The following WDR62 variants were observed in gnomAD, a reference collection of about 807,000 sequenced individuals.
The protein encoded by WDR62 is WD repeat-containing protein 62.
WDR62 carries 112 observed loss-of-function variants against 160.6 expected under a neutral mutation model. The observed-to-expected ratio is 0.70, with a 90% CI of 0.60 to 0.82. The LOEUF is 0.82. WDR62 is among the 40% of genes least tolerant of loss of function. The probability of loss-of-function intolerance (pLI) is 0.00; values close to 1 mark genes in which losing one functional copy is unlikely to be tolerated. For missense variants in WDR62, 1,819 were observed against 1,983.8 expected, an observed-to-expected ratio of 0.92 and a Z score of 1.58; for synonymous variants, 792 against 815.1, an observed-to-expected ratio of 0.97 and a Z score of 0.48.
intron 20 of WDR62, 69 bp from the exon 21 acceptor site, chr19:36,096,958 G>T: frequency 1.4e-6 from 2 of 1,463,970 alleles, no homozygotes; most frequent in Non-Finnish European, 1.9e-6. Flanking sequence ...TTTGGGGACT[G>T]CCCGGTTATG....
intron 7 of WDR62, chr19:36,071,140 G>A (rs1971272479): frequency 4.8e-6 from 1 of 207,374 alleles, no homozygotes; most frequent in South Asian, 7.1e-5. Context: ...GGAGGTGGAA[G>A]TTGCAGTGAG....
chr19:36,069,823 T>C (rs924066558), intron 7 of WDR62, among the ~76,000 whole-genome samples: 1 of 152,186 alleles, frequency 6.6e-6, no homozygotes, highest in Non-Finnish European at 1.5e-5. Context: ...ACCCTGTGTT[T>C]GGTGGAGACC....
intron 4 of WDR62, 93 bp from the exon 5 acceptor site, chr19:36,066,164 C>G: frequency 1.9e-6 from 3 of 1,600,042 alleles, no homozygotes. Context: ...GGCTTTTGGG[C>G]ACATCCTGTG....
intron 1 of WDR62, among the ~76,000 whole-genome samples, chr19:36,056,347 C>A (rs1334147139): frequency 6.6e-6 from 1 of 152,190 alleles, no homozygotes; most frequent in Non-Finnish European, 1.5e-5. Context: ...CTACAGGGCT[C>A]TGGCTGTACC....
At chr19:36,072,502 G>A (rs544297311) in intron 8 of WDR62, among the ~76,000 whole-genome samples, 7 of 152,268 alleles carry the variant, frequency 4.6e-5, no homozygotes, top group Admixed American at 2.0e-4. Flanking sequence ...CTGCTGTGTC[G>A]AGAGTGGATA....
At chr19:36,099,667 C>A (rs774548868) in intron 22 of WDR62, 50 bp downstream of exon 22, 163 of 1,590,784 alleles carry the variant, frequency 1.0e-4, no homozygotes, top group Admixed American at 1.7e-4. Flanking sequence ...CCGTGACGGC[C>A]CCAGGGCCTG....
In WDR62 at chr19:36,099,758, C is replaced by T. The variant is rs1973215595; in HGVS notation, c.2739+141C>T. ...AAGGGCAGGAGGGTGAGCCCCAGGT[C>T]TGTTGCACAGCAAGACTTCCCAAGG... On this transcript the variant is annotated intron_variant, in intron 22 of 31. Coordinates refer to ENST00000401500, the MANE Select transcript of WDR62 (RefSeq NM_001083961.2). The T allele has an allele frequency of 4.7e-6, 4 of 857,238 alleles. No individual in the cohort carries two copies. In the African/African-American group the frequency reaches 6.7e-5, roughly 14 times the overall value. 53.1% of individuals were successfully genotyped at this position (857,238 alleles called of 1,614,324 possible). A position where few individuals can be genotyped will look rare whatever the true frequency, so the allele number is the denominator to read the frequency against.
rs779922053 is a variant in WDR62, at chr19:36,067,302, C to G, written c.562-4C>G. 1 of 1,614,122 alleles carries G rather than the reference C, an allele frequency of 6.2e-7. No homozygotes were observed. Among genetic ancestry groups the G allele is most frequent in the East Asian group, 2.2e-5 (1 of 44,882 alleles). ...CATGAGCTTCTCTGCACTTATTCTT[C>G]CAGAAAGACATCGTAGTGGCCTCCA... On this transcript the variant is annotated splice_polypyrimidine_tract_variant and splice_region_variant and intron_variant, in intron 5 of 31. Coordinates refer to ENST00000401500, the MANE Select transcript of WDR62 (RefSeq NM_001083961.2).
chr19:36,089,271 G>A lies in WDR62; in HGVS notation c.1923G>A (p.Lys641=), dbSNP rs1972445916. ...LYDMDIDITQ[K]YVAVACQDRN... ...ACATGGACATTGACATCACCCAGAAGTACGTGGCCGTGGCCTGCCAGGACC... is the reference window on the plus strand; with the variant it reads ...ACATGGACATTGACATCACCCAGAAATACGTGGCCGTGGCCTGCCAGGACC... Residue 641 remains lysine, a synonymous_variant, in exon 15 of 32, where the codon AAG becomes AAA. Coordinates refer to ENST00000401500, the MANE Select transcript of WDR62 (RefSeq NM_001083961.2). The A allele has an allele frequency of 6.2e-7, 1 of 1,614,202 alleles. No individual in the cohort carries two copies. Among genetic ancestry groups the A allele is most frequent in the Non-Finnish European group, 8.5e-7 (1 of 1,180,042 alleles).
chr19:36,104,385 G>A (rs1599850916), intron 30 of WDR62, 133 bp from the exon 31 acceptor site: 1 of 1,162,498 alleles, frequency 8.6e-7, no homozygotes, highest in Non-Finnish European at 1.2e-6. Context: ...CTGTAGGAGT[G>A]AAGGGGAGGG....
intron 7 of WDR62, among the ~76,000 whole-genome samples, chr19:36,069,324 A>G (rs1339164685): frequency 1.0e-4 from 15 of 150,588 alleles, no homozygotes. Context: ...TGGGACGGCC[A>G]GGCAGAGACG....
At chr19:36,093,972 C>A (rs1346627945) in intron 19 of WDR62, 59 bp from the exon 20 acceptor site, 15 of 1,606,598 alleles carry the variant, frequency 9.3e-6, no homozygotes, top group Non-Finnish European at 1.3e-5. Context: ...CTAGGCAAGT[C>A]CCCACCACCA....
intron 21 of WDR62, among the ~76,000 whole-genome samples, chr19:36,098,712 ATGAGT>A (rs1232402395): frequency 1.3e-5 from 2 of 152,216 alleles, no homozygotes; most frequent in African/African-American, 4.8e-5. Context: ...TGCAGAGGAA[ATGAGT>A]TGAGTTGTCA....
At chr19:36,105,943 C>T (rs1973702362), downstream of WDR62, among the ~76,000 whole-genome samples, 1 of 152,268 alleles carries the variant, frequency 6.6e-6, no homozygotes, top group Non-Finnish European at 1.5e-5. Context: ...GGGAGATCCG[C>T]CCACCTCGGC....
At position 36,090,630 on chromosome 19, in the gene WDR62, C is replaced by G. The variant is rs893671662; in HGVS notation, c.2034+110C>G. 5.0e-6 allele frequency: 5 copies of G among 992,568 alleles called. No individual in the cohort carries two copies. The African/African-American group carries it at 8.0e-5, about 16-fold the overall frequency. 61.5% of individuals were successfully genotyped at this position (992,568 alleles called of 1,614,324 possible). Reference sequence around the variant, plus strand: ...TCCTTCCTCAGTGCACCGCGCTGCCCAGCACCTTCTCAGGCCTGGTTAAAC... The same window carrying G: ...TCCTTCCTCAGTGCACCGCGCTGCCGAGCACCTTCTCAGGCCTGGTTAAAC... On this transcript the variant is annotated intron_variant, in intron 16 of 31. Coordinates refer to ENST00000401500, the MANE Select transcript of WDR62 (RefSeq NM_001083961.2).
At chr19:36,079,637 C>T (rs1971776504) in intron 9 of WDR62, among the ~76,000 whole-genome samples, 1 of 152,212 alleles carries the variant, frequency 6.6e-6, no homozygotes, top group Admixed American at 6.5e-5. Context: ...TGAAACCCTC[C>T]TACTTTCAGC....
At position 36,104,510 on chromosome 19, in the gene WDR62, T is replaced by C. The variant is rs763432078; in HGVS notation, c.4154-8T>C. On this transcript the variant is annotated splice_region_variant and splice_polypyrimidine_tract_variant and intron_variant, in intron 30 of 31. Transcript: ENST00000401500. ...CTCATCTTGCTCATTCCCTTCTCTC[T>C]ACCCCAGGTGCACTTGGTCTGTTAC... 3.2e-5 allele frequency: 52 copies of C among 1,613,414 alleles called. No individual in the cohort carries two copies. Among genetic ancestry groups the C allele is most frequent in the Non-Finnish European group, 4.2e-5 (50 of 1,179,838 alleles).
At chr19:36,088,894 C>G (rs1972415723) in intron 13 of WDR62, 144 bp from the exon 14 acceptor site, 1 of 893,816 alleles carries the variant, frequency 1.1e-6, no homozygotes, top group African/African-American at 1.6e-5. Context: ...GAGTCCCACC[C>G]AGACCCAGCA....
At chr19:36,102,314 G>A (rs183595039) in intron 26 of WDR62, 163 bp downstream of exon 26, 22 of 1,033,324 alleles carry the variant, frequency 2.1e-5, no homozygotes, top group Admixed American at 1.4e-4. Context: ...AGGCTGGAGT[G>A]CGGTGGCCCA....
Sources: gnomAD v4.1 joint callset for allele counts (sites outside exome capture counted in the v4.1 genomes callset) on GRCh38, gnomAD v4.1.1 for gene constraint, MANE v1.5 for transcripts, NCBI Gene and HGNC (gene_info 2026-07-23, HGNC 2026-07-21) for gene names.